Variants in PCBP3 observed in about 807,000 individuals in gnomAD.
PCBP3 encodes poly(rC) binding protein 3.
Under a neutral mutation model 52.7 loss-of-function variants are expected in PCBP3, and 25 were observed. The ratio of observed to expected loss-of-function variants is 0.47; its 90% CI spans 0.35 to 0.66. The LOEUF is 0.66. Among genes scored for constraint, PCBP3 ranks in the 30% least tolerant of loss-of-function variants. The pLI is 0.01. For synonymous variants in PCBP3, 162 were observed against 183.0 expected (o/e 0.89, Z 0.93); for missense variants, 391 against 490.3 (o/e 0.80, Z 1.91).
chr21:45,702,646 G>A (rs2083203669), intron 2 of PCBP3, among the ~76,000 whole-genome samples: 1 of 152,172 alleles, frequency 6.6e-6, no homozygotes, highest in East Asian at 1.9e-4. Context: ...CTTCTCACTG[G>A]TGGAGAGTCT....
intron 5 of PCBP3, among the ~76,000 whole-genome samples, chr21:45,865,116 A>G (rs1453481798): frequency 2.6e-5 from 4 of 152,190 alleles, no homozygotes; most frequent in Non-Finnish European, 5.9e-5. Context: ...TTTCATATTT[A>G]TGATTATAAA....
chr21:45,695,089 C>T (rs1036488203), intron 2 of PCBP3, among the ~76,000 whole-genome samples: 1 of 152,178 alleles, frequency 6.6e-6, no homozygotes, highest in African/African-American at 2.4e-5. Flanking sequence ...AGTACAGAGC[C>T]TTGACATAAG....
intron 5 of PCBP3, among the ~76,000 whole-genome samples, chr21:45,892,330 C>T (rs1447275956): frequency 6.6e-6 from 1 of 152,204 alleles, no homozygotes; most frequent in Non-Finnish European, 1.5e-5. Context: ...ACTAAGAAGG[C>T]AGGAGGTTTC....
chr21:45,879,904 G>T (rs1473896553), intron 5 of PCBP3, among the ~76,000 whole-genome samples: 1 of 151,704 alleles, frequency 6.6e-6, no homozygotes, highest in Non-Finnish European at 1.5e-5. Context: ...TTTAAAAAAA[G>T]AAAACAAAAC....
chr21:45,890,617 AGAACC>A (rs2095631559), intron 5 of PCBP3, among the ~76,000 whole-genome samples: 1 of 58,706 alleles, frequency 1.7e-5, no homozygotes. Flanking sequence ...TATAGATAAT[AGAACC>A]TGGAACTCTG....
chr21:45,881,560 T>C (rs760636669), intron 5 of PCBP3, among the ~76,000 whole-genome samples: 1 of 152,168 alleles, frequency 6.6e-6, no homozygotes, highest in Non-Finnish European at 1.5e-5. Context: ...CTAGGCAACA[T>C]AGAGAGACCC....
At chr21:45,838,106 TG>T (rs1371853165) in intron 4 of PCBP3, among the ~76,000 whole-genome samples, 1 of 152,270 alleles carries the variant, frequency 6.6e-6, no homozygotes, top group African/African-American at 2.4e-5. Context: ...AGTTGGTTTC[TG>T]GAAGCCCCAG....
intron 2 of PCBP3, among the ~76,000 whole-genome samples, chr21:45,683,574 T>C (rs1337013467): frequency 1.3e-5 from 2 of 152,160 alleles, no homozygotes; most frequent in Non-Finnish European, 1.5e-5. Flanking sequence ...AAAGTCAGGA[T>C]AGAGTTTTCC....
In PCBP3 at chr21:45,805,934, C is replaced by T. The variant is rs116545935; in HGVS notation, c.-125-44027C>T. Among the ~76,000 whole-genome samples, 4,243 of 152,228 alleles carry T rather than the reference C, an allele frequency of 0.028. 193 individuals carry two copies. The highest frequency in any genetic ancestry group is 0.096 in the African/African-American group (3,998 of 41,528). On this transcript the variant is annotated intron_variant, in intron 4 of 17. Transcript: ENST00000681687. The surrounding 1 kb of genome is among the most constrained non-coding windows in gnomAD (Gnocchi z 4.6). ...TGAGGGGAAGTCCAGGCCTCTCCAC[C>T]CAGGAGTCTGTGAGGTTCCCATTGC... is the stretch of plus-strand genomic sequence containing the variant.
chr21:45,932,503 G>A (rs7277199), intron 15 of PCBP3, among the ~76,000 whole-genome samples: 9,195 of 147,854 alleles, frequency 0.062, 628 homozygotes, highest in African/African-American at 0.18. Context: ...GGGCCATGCC[G>A]TCCTGAGATG....
At chr21:45,941,153 T>TG (rs34768227) in intron 17 of PCBP3, among the ~76,000 whole-genome samples, 152,304 of 152,304 alleles carry the variant, frequency 1, 76,152 homozygotes, top group Non-Finnish European at 1. Context: ...TCCATCCCTG[T>TG]GCCACAGGCC....
At position 45,910,973 on chromosome 21, in the gene PCBP3, G is replaced by C. The variant is rs769121677; in HGVS notation, c.543G>C (p.Ser181=). 6.2e-7 allele frequency: 1 copy of C among 1,612,118 alleles called. No homozygotes were observed. Among genetic ancestry groups the C allele is most frequent in the Non-Finnish European group, 8.5e-7 (1 of 1,179,922 alleles). Residue 181 remains serine, a synonymous_variant, in exon 11 of 18, where the codon TCG becomes TCC. Transcript: ENST00000681687. ...CCACGGAGCGAGCGGTGACCATCTC[G>C]GGGACCCCAGATGCCATCATCCAGT... The part of the protein sequence containing the change: ...PNSTERAVTI[S]GTPDAIIQCV...
chr21:45,733,356 G>A (rs1027336248), intron 2 of PCBP3, among the ~76,000 whole-genome samples: 5 of 152,010 alleles, frequency 3.3e-5, no homozygotes, highest in African/African-American at 4.8e-5. Context: ...GTGCCATCTC[G>A]GCTCACTGCA....
intron 5 of PCBP3, among the ~76,000 whole-genome samples, chr21:45,883,291 G>A (rs182407955): frequency 1.3e-5 from 2 of 152,286 alleles, no homozygotes; most frequent in East Asian, 3.9e-4. Context: ...ATTTGCTGAG[G>A]TTTCTTTTAT....
chr21:45,739,360 T>C (rs2086202802), intron 3 of PCBP3, among the ~76,000 whole-genome samples: 1 of 103,896 alleles, frequency 9.6e-6, no homozygotes, highest in African/African-American at 3.9e-5. Flanking sequence ...CCCCTTCCTG[T>C]CCACGGTCCT....
At chr21:45,703,292 T>C (rs1412024696) in intron 2 of PCBP3, among the ~76,000 whole-genome samples, 1 of 152,212 alleles carries the variant, frequency 6.6e-6, no homozygotes, top group East Asian at 1.9e-4. Flanking sequence ...TTTGCCCAGA[T>C]CCATCAGAGG....
In PCBP3 at chr21:45,774,202, A is replaced by C. The variant is rs375879195; in HGVS notation, c.-126+18750A>C. ...GGCAGATCACAAGGTCAAGAGATTG[A>C]GATCATCCTGGCCAACATGGTGAAA... On this transcript the variant is annotated intron_variant, in intron 4 of 17. Transcript: ENST00000681687. Among the ~76,000 whole-genome samples, 27 of 152,054 alleles carry C rather than the reference A, an allele frequency of 1.8e-4. 1 individual carries two copies. The highest frequency in any genetic ancestry group is 1.4e-3 in the East Asian group (7 of 5,184).
intron 9 of PCBP3, among the ~76,000 whole-genome samples, chr21:45,907,792 G>A (rs1193130965): frequency 1.3e-5 from 2 of 151,706 alleles, no homozygotes; most frequent in Non-Finnish European, 2.9e-5. Context: ...GGCATTTGGG[G>A]GTTTTAGGAG....
chr21:45,698,015 C>T (rs1030579396), intron 2 of PCBP3, among the ~76,000 whole-genome samples: 3 of 152,174 alleles, frequency 2.0e-5, no homozygotes, highest in African/African-American at 7.2e-5. Context: ...ACACTACTTC[C>T]CATGCACCTT....
Sources: allele counts gnomAD v4.1 joint callset (sites outside exome capture counted in the v4.1 genomes callset), GRCh38; gene constraint gnomAD v4.1.1; non-coding constraint Gnocchi (gnomAD v3.1); transcripts MANE v1.5; gene names NCBI Gene and HGNC (gene_info 2026-07-23, HGNC 2026-07-21).